PARP8: variants seen among roughly 807,000 people sequenced by gnomAD.
The protein encoded by PARP8 is poly(ADP-ribose) polymerase family member 8.
PARP8 carries 51 observed loss-of-function variants against 124.1 expected under a neutral mutation model. The ratio of observed to expected loss-of-function variants is 0.41; its 90% confidence interval spans 0.33 to 0.52. The LOEUF is 0.52. Ranked by LOEUF, PARP8 falls within the 20% of genes least tolerant of loss-of-function variation. PARP8 has a pLI of 0.21. For missense variants in PARP8, 860 were observed against 1,018.9 expected, an observed-to-expected ratio of 0.84 and a Z score of 2.12; for synonymous variants, 391 against 361.5, an observed-to-expected ratio of 1.08 and a Z score of -0.93.
chr5:50,678,027 A>G (rs1750837748), intron 2 of PARP8, among the ~76,000 whole-genome samples: 1 of 152,184 alleles, frequency 6.6e-6, no homozygotes, highest in Non-Finnish European at 1.5e-5. Context: ...TTGGCACAGA[A>G]CTAAAATTGA....
chr5:50,747,737 C>A (rs531457568), intron 2 of PARP8, among the ~76,000 whole-genome samples: 1 of 138,944 alleles, frequency 7.2e-6, no homozygotes, highest in East Asian at 2.1e-4. Flanking sequence ...TAATATGGAT[C>A]TCTCAAAGAT....
chr5:50,813,700 G>T (rs1022653336), intron 14 of PARP8, among the ~76,000 whole-genome samples: 1 of 152,050 alleles, frequency 6.6e-6, no homozygotes, highest in East Asian at 1.9e-4. Context: ...TCCAGTTTTT[G>T]CCCTTCAGTA....
At chr5:50,722,250 G>A (rs1162298024) in intron 2 of PARP8, among the ~76,000 whole-genome samples, 3 of 152,162 alleles carry the variant, frequency 2.0e-5, no homozygotes, top group East Asian at 3.9e-4. Context: ...ACTGAAGTTC[G>A]ATAGTTAAGG....
intron 21 of PARP8, among the ~76,000 whole-genome samples, chr5:50,829,225 C>T (rs1006828153): frequency 3.3e-5 from 5 of 152,134 alleles, no homozygotes; most frequent in Admixed American, 1.3e-4. Context: ...TTTCACTTCA[C>T]TCTCCTGCAG....
At chr5:50,812,953 A>G (rs1168393389) in intron 14 of PARP8, among the ~76,000 whole-genome samples, 4 of 152,036 alleles carry the variant, frequency 2.6e-5, no homozygotes, top group African/African-American at 7.2e-5. Flanking sequence ...ATTGGTCTAT[A>G]TCTCTGTTTT....
At chr5:50,721,762 A>G (rs1219362241) in intron 2 of PARP8, among the ~76,000 whole-genome samples, 1 of 152,122 alleles carries the variant, frequency 6.6e-6, no homozygotes, top group Non-Finnish European at 1.5e-5. Flanking sequence ...GAGTGAATTA[A>G]TAAAAGAGCT....
At chr5:50,817,998 G>T (rs1745294977) in intron 15 of PARP8, among the ~76,000 whole-genome samples, 1 of 151,884 alleles carries the variant, frequency 6.6e-6, no homozygotes, top group Non-Finnish European at 1.5e-5. Context: ...ATATTTCTTT[G>T]CATTTCCATC....
chr5:50,741,589 C>G (rs1758046354), intron 2 of PARP8, among the ~76,000 whole-genome samples: 1 of 152,112 alleles, frequency 6.6e-6, no homozygotes, highest in South Asian at 2.1e-4. Context: ...TTGGCCACTT[C>G]CCTAAAAATC....
At chr5:50,796,210 T>TG (rs758890145) in intron 12 of PARP8, among the ~76,000 whole-genome samples, 25 of 152,154 alleles carry the variant, frequency 1.6e-4, no homozygotes, top group Non-Finnish European at 3.1e-4. Context: ...ATGTTGGGGG[T>TG]GTGTGTTTAG....
chr5:50,704,594 G>C lies in PARP8; in HGVS notation c.146+36469G>C, dbSNP rs547517596. On this transcript the variant is annotated intron_variant, in intron 2 of 25. Coordinates refer to ENST00000281631, the MANE Select transcript of PARP8 (RefSeq NM_024615.4). The stretch of plus-strand genomic sequence containing the variant: ...ACTTAAAATGTGACTGGATTGAGAC[G>C]TGCTGTAAGTGTTAAAGTACACACT... Among the ~76,000 whole-genome samples the C allele has an allele frequency of 3.9e-5, 6 of 152,226 alleles. No homozygotes were observed. In the East Asian group the frequency reaches 9.7e-4, roughly 25 times the overall value.
chr5:50,733,576 G>A (rs890260976), intron 2 of PARP8, among the ~76,000 whole-genome samples: 9 of 152,122 alleles, frequency 5.9e-5, no homozygotes, highest in Admixed American at 3.9e-4. Flanking sequence ...ATAGATAGCA[G>A]TATTTATGTC....
At position 50,784,353 on chromosome 5, in the gene PARP8, A is replaced by G. The variant is rs573891667; in HGVS notation, c.671-4170A>G. Among the ~76,000 whole-genome samples, 6 of 152,306 alleles carry G rather than the reference A, an allele frequency of 3.9e-5. No homozygotes were observed. The East Asian group carries it at 1.2e-3, about 29-fold the overall frequency. ...TTATTTGTATTATATATGGGGAAAT[A>G]TGCTTTAAATAAAGATATGATATAA... On this transcript the variant is annotated intron_variant, in intron 9 of 25. Coordinates refer to ENST00000281631, the MANE Select transcript of PARP8 (RefSeq NM_024615.4).
chr5:50,783,973 A>T (rs1048338306), intron 9 of PARP8, among the ~76,000 whole-genome samples: 1 of 152,162 alleles, frequency 6.6e-6, no homozygotes, highest in African/African-American at 2.4e-5. Flanking sequence ...TTTTACAGTG[A>T]TATTTACAAA....
In PARP8 at chr5:50,724,313, A is replaced by G. The variant is rs548178965; in HGVS notation, c.147-25838A>G. On this transcript the variant is annotated intron_variant, in intron 2 of 25. Coordinates refer to ENST00000281631, the MANE Select transcript of PARP8 (RefSeq NM_024615.4). ...TTTTACCTACCTCATTAAGCATGCA[A>G]ATTGCTAAGTTTTCAGTAGATGCAT... Among the ~76,000 whole-genome samples the G allele has an allele frequency of 2.6e-5, 4 of 152,264 alleles. No individual in the cohort carries two copies. In the East Asian group the frequency reaches 5.8e-4, roughly 22 times the overall value.
chr5:50,835,737 C>G (rs1412896962), intron 25 of PARP8, among the ~76,000 whole-genome samples: 1 of 151,990 alleles, frequency 6.6e-6, no homozygotes, highest in African/African-American at 2.4e-5. Flanking sequence ...CCATATAATA[C>G]AGGCTGGCAA....
rs558588855 is a variant in PARP8 at position 50,824,912 on chromosome 5, C to G, written c.1865C>G (p.Pro622Arg). 1.9e-6 allele frequency: 3 copies of G among 1,611,670 alleles called. No individual in the cohort carries two copies. In the African/African-American group the frequency reaches 4.0e-5, roughly 22 times the overall value. Residue 622 changes from proline (P) to arginine (R), a missense_variant, in exon 18 of 26, where the codon CCA becomes CGA. Pro to Arg is a moderately radical substitution (Grantham distance 103). This residue lies in a region of PARP8 where 343 missense variants were observed against 474.7 expected (regional missense o/e 0.72). Transcript: ENST00000281631. ...AGTATAATGACTTTTTTTCAGGCAC[C>G]ATATCTGGAAATCAAGAAGCAAATG... ...ITSIREMTQA[P>R]YLEIKKQMDK...
In PARP8 at chr5:50,673,470, T is replaced by C. The variant is rs1410793323; in HGVS notation, c.146+5345T>C. Among the ~76,000 whole-genome samples, 6 of 152,314 alleles carry C rather than the reference T, an allele frequency of 3.9e-5. No individual in the cohort carries two copies. In the South Asian group the frequency reaches 1.2e-3, roughly 32 times the overall value. On this transcript the variant is annotated intron_variant, in intron 2 of 25. Coordinates refer to ENST00000281631, the MANE Select transcript of PARP8 (RefSeq NM_024615.4). ...TCTTTGCTTGCCTTGCTTTATCCCG[T>C]GTTTCCAAAAAACACAAATAAGTAT...
At position 50,795,096 on chromosome 5, in the gene PARP8, A is replaced by T; in HGVS notation, c.1107A>T (p.Ala369=). 2 of 1,614,208 alleles carry T rather than the reference A, an allele frequency of 1.2e-6. No individual in the cohort carries two copies. Among genetic ancestry groups the T allele is most frequent in the South Asian group, 2.2e-5 (2 of 91,082 alleles). The change falls in exon 12 of 26, where the codon GCA becomes GCT. Residue 369 remains alanine, a synonymous_variant. Coordinates refer to ENST00000281631, the MANE Select transcript of PARP8 (RefSeq NM_024615.4). Reference sequence around the variant, plus strand: ...AACTTTTGAACCGTCCTTGCCCTGCAGCTGTTAAGTCAGAGGAATGCCTAA... The same window carrying T: ...AACTTTTGAACCGTCCTTGCCCTGCTGCTGTTAAGTCAGAGGAATGCCTAA... ...SHKLLNRPCP[A]AVKSEECLTL...
chr5:50,709,435 GT>G (rs1754492798), intron 2 of PARP8, among the ~76,000 whole-genome samples: 3 of 151,686 alleles, frequency 2.0e-5, no homozygotes, highest in Non-Finnish European at 4.4e-5. Context: ...GTACATTTAA[GT>G]TTCTTCTGTT....
Sources: allele counts gnomAD v4.1 joint callset (sites outside exome capture counted in the v4.1 genomes callset), GRCh38; gene constraint gnomAD v4.1.1; regional missense constraint gnomAD v4.1.1; transcripts MANE v1.5; gene names NCBI Gene and HGNC (gene_info 2026-07-23, HGNC 2026-07-21).